Variants in PCCA observed in about 807,000 individuals in gnomAD.
PCCA encodes propionyl-CoA carboxylase subunit alpha.
Under a neutral mutation model 101.3 loss-of-function variants are expected in PCCA, and 74 were observed. The ratio of observed to expected loss-of-function variants is 0.73; its 90% CI spans 0.61 to 0.89. The LOEUF is 0.89. PCCA is among the 40% of genes least tolerant of loss of function. The pLI is 0.00. For synonymous variants in PCCA, 294 were observed against 313.6 expected, an observed-to-expected ratio of 0.94 and a Z score of 0.66; for missense variants, 891 against 907.0, an observed-to-expected ratio of 0.98 and a Z score of 0.23.
rs578165950 is a variant in PCCA at position 100,251,925 on chromosome 13, T to C, written c.638-5670T>C. On this transcript the variant is annotated intron_variant, in intron 8 of 23. Coordinates refer to ENST00000376285, the MANE Select transcript of PCCA (RefSeq NM_000282.4). Reference sequence around the variant, plus strand: ...CACCCTGGGTTCTTCAGAAATATCATGGTCATGAAGAACTCCCCCCGCCAT... The same window carrying C: ...CACCCTGGGTTCTTCAGAAATATCACGGTCATGAAGAACTCCCCCCGCCAT... Among the ~76,000 whole-genome samples the C allele has an allele frequency of 4.6e-4, 70 of 152,290 alleles. 1 individual carries two copies. The highest frequency in any genetic ancestry group is 1.6e-4 in the Non-Finnish European group (11 of 68,022).
At chr13:100,156,771 A>G (rs971004759) in intron 5 of PCCA, among the ~76,000 whole-genome samples, 2 of 152,232 alleles carry the variant, frequency 1.3e-5, no homozygotes, top group African/African-American at 2.4e-5. Flanking sequence ...ATCAGGAATA[A>G]AATGTGTTAG....
chr13:100,105,605 G>A (rs2047681405), intron 2 of PCCA, among the ~76,000 whole-genome samples: 1 of 146,118 alleles, frequency 6.8e-6, no homozygotes, highest in South Asian at 2.2e-4. Context: ...GAGGCCAGTG[G>A]ATTGCTTGAG....
chr13:100,421,368 C>T (rs1364274163), intron 19 of PCCA, among the ~76,000 whole-genome samples: 1 of 152,144 alleles, frequency 6.6e-6, no homozygotes, highest in African/African-American at 2.4e-5. Context: ...TAAAAACACA[C>T]ATGTATAGTT....
chr13:100,402,105 A>G lies in PCCA; in HGVS notation c.1747-23528A>G, dbSNP rs542484981. On this transcript the variant is annotated intron_variant, in intron 19 of 23. Coordinates refer to ENST00000376285, the MANE Select transcript of PCCA (RefSeq NM_000282.4). The stretch of plus-strand genomic sequence containing the variant: ...TAATAGAGTCCTTTATATAGCTGGA[A>G]TAACTGTAATCTGCTATTGTAAGCA... Among the ~76,000 whole-genome samples the G allele has an allele frequency of 1.3e-4, 20 of 152,334 alleles. No individual in the cohort carries two copies. In the South Asian group the frequency reaches 4.1e-3, roughly 32 times the overall value.
intron 4 of PCCA, among the ~76,000 whole-genome samples, chr13:100,115,716 T>C (rs2048734332): frequency 6.6e-6 from 1 of 152,168 alleles, no homozygotes; most frequent in African/African-American, 2.4e-5. Flanking sequence ...TTTGCAAAAG[T>C]GGTTTCAAAA....
chr13:100,443,121 A>G (rs1348114578), intron 20 of PCCA, among the ~76,000 whole-genome samples: 1 of 152,128 alleles, frequency 6.6e-6, no homozygotes, highest in Non-Finnish European at 1.5e-5. Context: ...TGATTTGACC[A>G]TTGCAGACCT....
chr13:100,173,159 ACAGG>A (rs2055874561), intron 6 of PCCA, among the ~76,000 whole-genome samples: 1 of 152,220 alleles, frequency 6.6e-6, no homozygotes, highest in Non-Finnish European at 1.5e-5. Context: ...AGTGGGAAAA[ACAGG>A]CAGGAGAGAT....
At position 100,260,032 on chromosome 13, in the gene PCCA, T is replaced by G. The variant is rs569963625; in HGVS notation, c.716+2359T>G. Among the ~76,000 whole-genome samples, 78 of 152,282 alleles carry G rather than the reference T, an allele frequency of 5.1e-4. 1 individual carries two copies. The highest frequency in any genetic ancestry group is 4.7e-4 in the Non-Finnish European group (32 of 68,018). ...ACTTTTTACTTGTGGTGTTCTGGGTTTAAATGCAAAATGAAAGATCTCAAT... is the reference window on the plus strand; with the variant it reads ...ACTTTTTACTTGTGGTGTTCTGGGTGTAAATGCAAAATGAAAGATCTCAAT... On this transcript the variant is annotated intron_variant, in intron 9 of 23. Coordinates refer to ENST00000376285, the MANE Select transcript of PCCA (RefSeq NM_000282.4).
chr13:100,191,958 G>A (rs1046106891), intron 6 of PCCA, among the ~76,000 whole-genome samples: 2 of 152,172 alleles, frequency 1.3e-5, no homozygotes, highest in African/African-American at 4.8e-5. Context: ...GGCTATGAAG[G>A]CTCTGGTTGG....
chr13:100,092,069 C>T (rs1214826943), intron 1 of PCCA, among the ~76,000 whole-genome samples: 2 of 151,676 alleles, frequency 1.3e-5, no homozygotes, highest in Non-Finnish European at 1.5e-5. Flanking sequence ...TACAGGCGCA[C>T]GCCACCACCA....
chr13:100,209,389 G>C lies in PCCA; in HGVS notation c.526G>C (p.Asp176His). 2 of 1,612,934 alleles carry C rather than the reference G, an allele frequency of 1.2e-6. No individual in the cohort carries two copies. Among genetic ancestry groups the C allele is most frequent in the South Asian group, 2.2e-5 (2 of 91,056 alleles). ...PDTHAIQAMG[D>H]KIESKLLAKK... The stretch of plus-strand genomic sequence containing the variant: ...CACACATGCTATTCAAGCCATGGGC[G>C]ACAAGATTGAAAGCAAATTATTAGC... Residue 176 changes from aspartate to histidine, a missense_variant, in exon 7 of 24, where the codon GAC becomes CAC. Physicochemically the swap from Asp to His is moderately conservative, Grantham distance 81. Coordinates refer to ENST00000376285, the MANE Select transcript of PCCA (RefSeq NM_000282.4).
intron 19 of PCCA, among the ~76,000 whole-genome samples, chr13:100,417,394 G>A (rs918075135): frequency 1.3e-5 from 2 of 152,152 alleles, no homozygotes; most frequent in Admixed American, 1.3e-4. Flanking sequence ...CTTTTTTGGA[G>A]TTTACACTTT....
intron 6 of PCCA, among the ~76,000 whole-genome samples, chr13:100,173,000 T>A (rs2055858010): frequency 6.6e-6 from 1 of 152,100 alleles, no homozygotes; most frequent in Non-Finnish European, 1.5e-5. Context: ...TGTTTTCAGC[T>A]CTTTTTTTTT....
At chr13:100,115,551 T>C (rs2048723306) in intron 4 of PCCA, among the ~76,000 whole-genome samples, 1 of 152,124 alleles carries the variant, frequency 6.6e-6, no homozygotes, top group Non-Finnish European at 1.5e-5. Context: ...CATATACACC[T>C]CCTGTATACC....
intron 6 of PCCA, among the ~76,000 whole-genome samples, chr13:100,208,835 A>G (rs2059031028): frequency 6.6e-6 from 1 of 152,134 alleles, no homozygotes; most frequent in Non-Finnish European, 1.5e-5. Flanking sequence ...GGTGTCAGTG[A>G]TCTGTTCACG....
At chr13:100,319,120 G>A (rs1367383627) in intron 16 of PCCA, among the ~76,000 whole-genome samples, 1 of 152,238 alleles carries the variant, frequency 6.6e-6, no homozygotes, top group African/African-American at 2.4e-5. Context: ...TCTGTTGGCT[G>A]CATAAATGTC....
At chr13:100,101,312 T>C (rs1042563627) in intron 1 of PCCA, among the ~76,000 whole-genome samples, 1 of 152,226 alleles carries the variant, frequency 6.6e-6, no homozygotes, top group African/African-American at 2.4e-5. Flanking sequence ...TGTGGTTAAA[T>C]CTTATAACCA....
At chr13:100,299,934 A>T (rs1230939645) in intron 12 of PCCA, among the ~76,000 whole-genome samples, 1 of 152,186 alleles carries the variant, frequency 6.6e-6, no homozygotes, top group Admixed American at 6.5e-5. Context: ...GGCTGGTCTC[A>T]AACTCCTGAC....
intron 21 of PCCA, among the ~76,000 whole-genome samples, chr13:100,456,445 C>T (rs1205558251): frequency 6.6e-6 from 1 of 152,068 alleles, no homozygotes; most frequent in Non-Finnish European, 1.5e-5. Context: ...AATAAAGACA[C>T]AAGACAAAGA....
Sources: allele counts gnomAD v4.1 joint callset (sites outside exome capture counted in the v4.1 genomes callset), GRCh38; gene constraint gnomAD v4.1.1; transcripts MANE v1.5; gene names NCBI Gene and HGNC (gene_info 2026-07-23, HGNC 2026-07-21).